STBD1: variants seen among roughly 807,000 people sequenced by gnomAD.
The protein encoded by STBD1 is starch binding domain 1.
Under a neutral mutation model 10.5 loss-of-function variants are expected in STBD1, and 13 were observed. The ratio of observed to expected loss-of-function variants is 1.24; its 90% CI spans 0.81 to 1.97. STBD1 has a LOEUF of 1.97. Ranked by LOEUF, STBD1 falls within the 30% of genes most tolerant of loss-of-function variation. The probability of loss-of-function intolerance (pLI) is 0.00; values close to 1 mark genes in which losing one functional copy is unlikely to be tolerated. For missense variants in STBD1, 427 were observed against 435.6 expected (o/e 0.98, Z 0.17); for synonymous variants, 146 against 160.2 (o/e 0.91, Z 0.67).
Position 76,309,577 on chromosome 4 carries a change from T to C in STBD1, c.654T>C (p.Gly218=). The C allele has an allele frequency of 4.3e-6, 7 of 1,614,148 alleles. No individual in the cohort carries two copies. The highest frequency in any genetic ancestry group is 5.9e-6 in the Non-Finnish European group (7 of 1,180,026). The change falls in exon 2 of 2, where the codon GGT becomes GGC. Residue 218 remains glycine (G), a synonymous_variant. Coordinates refer to ENST00000237642, the MANE Select transcript of STBD1 (RefSeq NM_003943.5). The stretch of plus-strand genomic sequence containing the variant: ...CATCTTGGGGGGATGTTGGTGTGGG[T>C]GGCAGTCTTAAGGCTCCAGTGTTAA... ...RHSSWGDVGV[G]GSLKAPVLNL...
chr4:76,307,448 C>G (rs1209416634), intron 1 of STBD1, among the ~76,000 whole-genome samples: 1 of 152,232 alleles, frequency 6.6e-6, no homozygotes, highest in Admixed American at 6.5e-5. Flanking sequence ...ATCGCACAGC[C>G]CATGAAGAGC....
At chr4:76,309,058 T>G in intron 1 of STBD1, 86 bp from the exon 2 acceptor site, 1 of 1,505,036 alleles carries the variant, frequency 6.6e-7, no homozygotes, top group East Asian at 2.3e-5. Context: ...TAGTAAAGCT[T>G]TCAGTAACTA....
Position 76,309,986 on chromosome 4 carries a change from T to TG in STBD1, c.1068dup (p.Ile357AspfsTer9), listed in dbSNP as rs1191617409. 1 of 1,610,570 alleles carries TG rather than the reference T, an allele frequency of 6.2e-7. No individual in the cohort carries two copies. Among genetic ancestry groups the TG allele is most frequent in the East Asian group, 2.2e-5 (1 of 44,856 alleles). Reference sequence around the variant, plus strand: ...TGAGGATAAAGTGGTTCACGCATGGTGGGGGATTCACTGATTCAGTTTGCA... The same window carrying TG: ...TGAGGATAAAGTGGTTCACGCATGGTGGGGGGATTCACTGATTCAGTTTGCA... On this transcript the variant is annotated frameshift_variant, in exon 2 of 2. Transcript: ENST00000237642. LOFTEE classifies it high-confidence loss of function.
chr4:76,309,038 G>A, intron 1 of STBD1, 106 bp from the exon 2 acceptor site: 2 of 1,453,968 alleles, frequency 1.4e-6, no homozygotes, highest in Non-Finnish European at 1.8e-6. Flanking sequence ...GTGAATTGCA[G>A]ATTGATTAGT....
chr4:76,307,417 C>G (rs1284715501), intron 1 of STBD1, among the ~76,000 whole-genome samples: 1 of 152,228 alleles, frequency 6.6e-6, no homozygotes, highest in Non-Finnish European at 1.5e-5. Context: ...AGTCCCAATC[C>G]GGGTAGTCTG....
chr4:76,310,003 C>G lies in STBD1; in HGVS notation c.*3C>G. ...ACGCATGGTGGGGGATTCACTGATT[C>G]AGTTTGCAAAGTAATGGAGAAGCTG... On this transcript the variant is annotated 3_prime_UTR_variant, in exon 2 of 2. Coordinates refer to ENST00000237642, the MANE Select transcript of STBD1 (RefSeq NM_003943.5). 6.2e-7 allele frequency: 1 copy of G among 1,605,200 alleles called. No homozygotes were observed. Among genetic ancestry groups the G allele is most frequent in the Non-Finnish European group, 8.5e-7 (1 of 1,176,730 alleles).
rs1246518974 is a variant in STBD1 at position 76,309,910 on chromosome 4, G to C, written c.987G>C (p.Gly329=). Residue 329 remains glycine (G), a synonymous_variant, in exon 2 of 2, where the codon GGG becomes GGC. Coordinates refer to ENST00000237642, the MANE Select transcript of STBD1 (RefSeq NM_003943.5). ...VEWKFVLVEN[G]GVTRWEECSN... is the part of the protein sequence containing the mutation. ...GGAAGTTTGTGTTGGTAGAGAATGG[G>C]GGAGTTACCCGCTGGGAAGAATGCA... 1.9e-6 allele frequency: 3 copies of C among 1,614,036 alleles called. No homozygotes were observed. The highest frequency in any genetic ancestry group is 2.5e-6 in the Non-Finnish European group (3 of 1,180,042).
rs1578826498 is a variant in STBD1, at chr4:76,306,767, G to C, written c.-3G>C. 1.2e-6 allele frequency: 2 copies of C among 1,610,160 alleles called. No individual in the cohort carries two copies. Among genetic ancestry groups the C allele is most frequent in the East Asian group, 4.5e-5 (2 of 44,834 alleles). On this transcript the variant is annotated 5_prime_UTR_variant, in exon 1 of 2. Transcript: ENST00000237642. ...AGTCTCCTGCGGCCGCGGCCTCTCA[G>C]CCATGGGCGCCGTCTGGTCCGCCCT...
rs1718913290 is a variant in STBD1, at chr4:76,310,504, C to G, written c.*504C>G. Reference sequence around the variant, plus strand: ...CTTTTTACTACATACACATTTTATGCTTAAAAAGTTAACATGATACGAAAC... The same window carrying G: ...CTTTTTACTACATACACATTTTATGGTTAAAAAGTTAACATGATACGAAAC... On this transcript the variant is annotated 3_prime_UTR_variant, in exon 2 of 2. Coordinates refer to ENST00000237642, the MANE Select transcript of STBD1 (RefSeq NM_003943.5). 1 of 155,912 alleles carries G rather than the reference C, an allele frequency of 6.4e-6. No individual in the cohort carries two copies. The highest frequency in any genetic ancestry group is 2.4e-5 in the African/African-American group (1 of 41,452). The allele number at this position is 155,912 out of a possible 1,614,324, so 9.7% of individuals were successfully genotyped here. A position where few individuals can be genotyped will look rare whatever the true frequency, so the allele number is the denominator to read the frequency against.
At chr4:76,308,798 G>T (rs1718855319) in intron 1 of STBD1, among the ~76,000 whole-genome samples, 1 of 152,240 alleles carries the variant, frequency 6.6e-6, no homozygotes, top group African/African-American at 2.4e-5. Context: ...TAGGAGCCAA[G>T]CAACTTAACT....
intron 1 of STBD1, among the ~76,000 whole-genome samples, chr4:76,307,211 C>A (rs1410066463): frequency 6.6e-6 from 1 of 152,192 alleles, no homozygotes; most frequent in Non-Finnish European, 1.5e-5. Flanking sequence ...CGCGCCCTTG[C>A]CGAGTCCCTC....
In STBD1 at chr4:76,309,481, A is replaced by C. The variant is rs141600416; in HGVS notation, c.558A>C (p.Glu186Asp). The change falls in exon 2 of 2, where the codon GAA becomes GAC. Residue 186 changes from glutamate (E) to aspartate (D), a missense_variant. By Grantham distance (45) the Glu-to-Asp change is conservative. Coordinates refer to ENST00000237642, the MANE Select transcript of STBD1 (RefSeq NM_003943.5). Reference sequence around the variant, plus strand: ...TGCTCAAGAACAGAGCTAAAGAAGAAATGAGCCTCTCTGATTTGAACAGTC... The same window carrying C: ...TGCTCAAGAACAGAGCTAAAGAAGACATGAGCCTCTCTGATTTGAACAGTC... ...SNLLKNRAKE[E>D]MSLSDLNSQD... 1.2e-5 allele frequency: 19 copies of C among 1,614,230 alleles called. No homozygotes were observed. The African/African-American group carries it at 2.4e-4, about 20-fold the overall frequency.
At position 76,306,823 on chromosome 4, in the gene STBD1, T is replaced by C; in HGVS notation, c.54T>C (p.Leu18=). The C allele has an allele frequency of 6.2e-7, 1 of 1,611,564 alleles. No individual in the cohort carries two copies. Among genetic ancestry groups the C allele is most frequent in the Non-Finnish European group, 8.5e-7 (1 of 1,179,252 alleles). ...LLVGGGLAGA[L]FVWLLRGGPG... Reference sequence around the variant, plus strand: ...TTGGAGGGGGTCTGGCCGGAGCACTTTTCGTTTGGCTGCTGCGGGGCGGCC... The same window carrying C: ...TTGGAGGGGGTCTGGCCGGAGCACTCTTCGTTTGGCTGCTGCGGGGCGGCC... The change falls in exon 1 of 2, where the codon CTT becomes CTC. Residue 18 remains leucine, a synonymous_variant. Transcript: ENST00000237642.
In STBD1 at chr4:76,306,807, G is replaced by T. The variant is rs906220845; in HGVS notation, c.38G>T (p.Gly13Val). Reference sequence around the variant, plus strand: ...TGGTCCGCCCTGCTGGTTGGAGGGGGTCTGGCCGGAGCACTTTTCGTTTGG... The same window carrying T: ...TGGTCCGCCCTGCTGGTTGGAGGGGTTCTGGCCGGAGCACTTTTCGTTTGG... ...AVWSALLVGG[G>V]LAGALFVWLL... Residue 13 changes from glycine to valine, a missense_variant, in exon 1 of 2, where the codon GGT (glycine) becomes GTT (valine). Coordinates refer to ENST00000237642, the MANE Select transcript of STBD1 (RefSeq NM_003943.5). 1 of 1,612,888 alleles carries T rather than the reference G, an allele frequency of 6.2e-7. No individual in the cohort carries two copies. The highest frequency in any genetic ancestry group is 8.5e-7 in the Non-Finnish European group (1 of 1,179,764).
At position 76,306,802 on chromosome 4, in the gene STBD1, AG is replaced by A. The variant is rs1490867172; in HGVS notation, c.38del (p.Gly13ValfsTer48). 3 of 1,611,980 alleles carry A rather than the reference AG, an allele frequency of 1.9e-6. No homozygotes were observed. Among genetic ancestry groups the A allele is most frequent in the Non-Finnish European group, 2.5e-6 (3 of 1,179,636 alleles). ...CCGTCTGGTCCGCCCTGCTGGTTGG[AG>A]GGGGTCTGGCCGGAGCACTTTTCGT... ...GAVWSALLVG[G>X]GLAGALFVWL... On this transcript the variant is annotated frameshift_variant, in exon 1 of 2. Transcript: ENST00000237642. LOFTEE classifies it high-confidence loss of function.
intron 1 of STBD1, among the ~76,000 whole-genome samples, chr4:76,308,333 C>G (rs1234313866): frequency 1.3e-5 from 2 of 151,376 alleles, no homozygotes; most frequent in Non-Finnish European, 2.9e-5. Context: ...ACCACCACCA[C>G]CCCCACACCA....
chr4:76,307,061 GAC>G, intron 1 of STBD1, 72 bp downstream of exon 1: 1 of 1,471,646 alleles, frequency 6.8e-7, no homozygotes, highest in Non-Finnish European at 9.2e-7. Flanking sequence ...GGAGCAAAGA[GAC>G]AAACCCACCT....
In STBD1 at chr4:76,310,146, C is replaced by A; in HGVS notation, c.*146C>A. On this transcript the variant is annotated 3_prime_UTR_variant, in exon 2 of 2. Transcript: ENST00000237642. ...TTGCTAGTGGATTTTGTCTAATGTG[C>A]AGAAATATATATGTCTAATGTGCAG... The A allele has an allele frequency of 1.0e-6, 1 of 961,748 alleles. No homozygotes were observed. 59.6% of individuals were successfully genotyped at this position (961,748 alleles called of 1,614,324 possible).
rs746512693 is a variant in STBD1 at position 76,309,983 on chromosome 4, T to A, written c.1060T>A (p.Trp354Arg). Residue 354 changes from tryptophan (W) to arginine (R), a missense_variant, in exon 2 of 2, where the codon TGG becomes AGG. Coordinates refer to ENST00000237642, the MANE Select transcript of STBD1 (RefSeq NM_003943.5). ...TGHEDKVVHA[W>R]WGIH is the part of the protein sequence containing the mutation. ...CCATGAGGATAAAGTGGTTCACGCA[T>A]GGTGGGGGATTCACTGATTCAGTTT... The A allele has an allele frequency of 6.2e-7, 1 of 1,611,064 alleles. No homozygotes were observed. Among genetic ancestry groups the A allele is most frequent in the Non-Finnish European group, 8.5e-7 (1 of 1,179,036 alleles).
Sources: gnomAD v4.1 joint callset for allele counts (sites outside exome capture counted in the v4.1 genomes callset) on GRCh38, gnomAD v4.1.1 for gene constraint, MANE v1.5 for transcripts, NCBI Gene and HGNC (gene_info 2026-07-23, HGNC 2026-07-21) for gene names.